Variants in PTP4A1 observed in about 807,000 individuals in gnomAD.
The protein encoded by PTP4A1 is protein tyrosine phosphatase 4A1.
In PTP4A1, 9 loss-of-function variants were observed where a neutral mutation model predicts 20.5. The ratio of observed to expected loss-of-function variants is 0.44; its 90% CI spans 0.26 to 0.77. The LOEUF (loss-of-function observed/expected upper bound fraction) is 0.77, where lower values mean the gene tolerates loss of function less well. Among genes scored for constraint, PTP4A1 ranks in the 30% least tolerant of loss-of-function variants. PTP4A1 has a pLI of 0.19. For synonymous variants in PTP4A1, 78 were observed against 67.4 expected (o/e 1.16, Z -0.77); for missense variants, 137 against 218.8 (o/e 0.63, Z 2.36).
chr6:63,572,807 G>C (rs1777542771), intron 1 of PTP4A1, 88 bp downstream of exon 1: 1 of 396,948 alleles, frequency 2.5e-6, no homozygotes, highest in African/African-American at 2.1e-5. Flanking sequence ...GGAGCCCGGC[G>C]TCTCCTCCAG....
chr6:63,579,915 C>G (rs1476787767), intron 5 of PTP4A1, 142 bp from the exon 6 acceptor site: 1 of 655,594 alleles, frequency 1.5e-6, no homozygotes. Flanking sequence ...TGTGCCTGTT[C>G]ATATTCCTTT....
chr6:63,532,254 G>T (rs1284162090), intron 2 of PTP4A1, among the ~76,000 whole-genome samples: 1 of 152,140 alleles, frequency 6.6e-6, no homozygotes, highest in African/African-American at 2.4e-5. Context: ...AATTTATTAT[G>T]AGTGAAGTCA....
intron 3 of PTP4A1, among the ~76,000 whole-genome samples, chr6:63,565,592 C>G (rs1039185806): frequency 2.0e-5 from 3 of 152,092 alleles, no homozygotes; most frequent in Admixed American, 6.6e-5. Context: ...TCTGTAGTAC[C>G]CTCCTAGGTG....
chr6:63,576,235 C>G (rs186387834), intron 1 of PTP4A1, among the ~76,000 whole-genome samples: 1 of 151,638 alleles, frequency 6.6e-6, no homozygotes, highest in East Asian at 1.9e-4. Context: ...TCAGTTTAAT[C>G]TATCTGACTG....
At chr6:63,527,359 C>T (rs1775232814) in intron 1 of PTP4A1, among the ~76,000 whole-genome samples, 1 of 152,104 alleles carries the variant, frequency 6.6e-6, no homozygotes, top group South Asian at 2.1e-4. Flanking sequence ...CCACAGTAAC[C>T]CACAGACCTT....
chr6:63,557,679 T>C (rs1235994392), intron 3 of PTP4A1, among the ~76,000 whole-genome samples: 1 of 152,164 alleles, frequency 6.6e-6, no homozygotes, highest in Admixed American at 6.6e-5. Flanking sequence ...ATGTGGCATC[T>C]ATGTTAGAAA....
At position 63,579,285 on chromosome 6, in the gene PTP4A1, A is replaced by G. The variant is rs1454440833; in HGVS notation, c.358A>G (p.Ile120Val). ...RAPVLVALAL[I>V]EGGMKYEDAV... is the part of the protein sequence containing the mutation. ...TCCAGTACTTGTTGCCCTAGCATTAATTGAAGGTGGAATGAAATACGAAGA... is the reference window on the plus strand; with the variant it reads ...TCCAGTACTTGTTGCCCTAGCATTAGTTGAAGGTGGAATGAAATACGAAGA... The change falls in exon 5 of 6, where the codon ATT becomes GTT. Residue 120 changes from isoleucine (I) to valine (V), a missense_variant. Ile to Val is a conservative substitution (Grantham distance 29). Transcript: ENST00000626021. 6.2e-7 allele frequency: 1 copy of G among 1,611,590 alleles called. No homozygotes were observed. The highest frequency in any genetic ancestry group is 8.5e-7 in the Non-Finnish European group (1 of 1,178,702).
chr6:63,542,426 T>TA (rs371701345), intron 2 of PTP4A1, among the ~76,000 whole-genome samples: 1,822 of 144,134 alleles, frequency 0.013, 8 homozygotes, highest in Middle Eastern at 0.028. Context: ...CCTATGGAAA[T>TA]AAAAAAAAAA....
chr6:63,538,979 T>C (rs188011564), intron 2 of PTP4A1, among the ~76,000 whole-genome samples: 31 of 152,256 alleles, frequency 2.0e-4, no homozygotes, highest in Middle Eastern at 6.8e-3. Flanking sequence ...TGTAACCTCC[T>C]CCTCTTTGGT....
At chr6:63,545,474 G>C (rs1776142308) in intron 2 of PTP4A1, among the ~76,000 whole-genome samples, 2 of 152,244 alleles carry the variant, frequency 1.3e-5, no homozygotes, top group South Asian at 4.1e-4. Context: ...AGCTGGGCGT[G>C]GTGGCACATG....
rs1776332836 is a variant in PTP4A1, at chr6:63,549,286, T to A, written c.-639-1014T>A. 3 of 753,888 alleles carry A rather than the reference T, an allele frequency of 4.0e-6. No individual in the cohort carries two copies. In the South Asian group the frequency reaches 4.1e-5, roughly 10 times the overall value. The allele number at this position is 753,888 out of a possible 1,614,324, so 46.7% of individuals were successfully genotyped here. A position where few individuals can be genotyped will look rare whatever the true frequency, so the allele number is the denominator to read the frequency against. On this transcript the variant is annotated intron_variant, in intron 2 of 3. Transcript: ENST00000639568. ...AACTGGTTAATCTCAGGAGGCACTTTCAGCCACTTACAGAGGATGGCTCTC... is the reference window on the plus strand; with the variant it reads ...AACTGGTTAATCTCAGGAGGCACTTACAGCCACTTACAGAGGATGGCTCTC...
chr6:63,567,064 G>T (rs1418813887), intron 3 of PTP4A1, among the ~76,000 whole-genome samples: 1 of 152,144 alleles, frequency 6.6e-6, no homozygotes. Context: ...AACTCCAATT[G>T]TCTTGCTATT....
In PTP4A1 at chr6:63,580,277, A is replaced by G. The variant is rs1778144817; in HGVS notation, c.*103A>G. 11 of 957,110 alleles carry G rather than the reference A, an allele frequency of 1.1e-5. No individual in the cohort carries two copies. The highest frequency in any genetic ancestry group is 2.0e-5 in the Admixed American group (1 of 49,220). The allele number at this position is 957,110 out of a possible 1,614,324, so 59.3% of individuals were successfully genotyped here. A position where few individuals can be genotyped will look rare whatever the true frequency, so the allele number is the denominator to read the frequency against. On this transcript the variant is annotated 3_prime_UTR_variant, in exon 6 of 6. Coordinates refer to ENST00000626021, the MANE Select transcript of PTP4A1 (RefSeq NM_003463.5). ...GCTTAGTAAGTCTAATGAAGCTTCC[A>G]TAGGAGTATTGAAAGGCAGTTTTAC...
intron 3 of PTP4A1, among the ~76,000 whole-genome samples, chr6:63,566,764 A>G (rs911447266): frequency 1.3e-5 from 2 of 152,144 alleles, no homozygotes; most frequent in Non-Finnish European, 2.9e-5. Flanking sequence ...TGACTCCACA[A>G]AAAATTTCTC....
chr6:63,554,793 A>T (rs1204443552), intron 3 of PTP4A1, among the ~76,000 whole-genome samples: 1 of 152,158 alleles, frequency 6.6e-6, no homozygotes, highest in Non-Finnish European at 1.5e-5. Context: ...TCTCAAAAAA[A>T]TGGAACAATT....
intron 5 of PTP4A1, 93 bp downstream of exon 5, chr6:63,579,424 A>T: frequency 1.1e-6 from 1 of 894,758 alleles, no homozygotes; most frequent in Non-Finnish European, 1.6e-6. Flanking sequence ...TTTAATCATT[A>T]TGATTATTTT....
At chr6:63,550,355 G>T (rs535893019) in exon 3 of PTP4A1, 1 of 152,282 alleles carries the variant, frequency 6.6e-6, no homozygotes, top group South Asian at 2.1e-4. Flanking sequence ...AGAGGCTTGG[G>T]TCACCATTTG....
At chr6:63,536,271 A>G (rs959637242) in intron 2 of PTP4A1, among the ~76,000 whole-genome samples, 1 of 152,178 alleles carries the variant, frequency 6.6e-6, no homozygotes, top group African/African-American at 2.4e-5. Flanking sequence ...CGTAGGTTGC[A>G]GTGAGCTGAA....
chr6:63,577,061 C>A, intron 2 of PTP4A1, 76 bp downstream of exon 2: 1 of 1,184,946 alleles, frequency 8.4e-7, no homozygotes, highest in Non-Finnish European at 1.2e-6. Flanking sequence ...AAAATAAAAA[C>A]TACTTTGGAA....
Sources: allele counts gnomAD v4.1 joint callset (sites outside exome capture counted in the v4.1 genomes callset), GRCh38; gene constraint gnomAD v4.1.1; transcripts MANE v1.5; gene names NCBI Gene and HGNC (gene_info 2026-07-23, HGNC 2026-07-21).